The following GLIS3 variants were observed in gnomAD, a reference collection of about 807,000 sequenced individuals.
GLIS3 encodes the protein zinc finger protein GLIS3.
Under a neutral mutation model 78.6 loss-of-function variants are expected in GLIS3, and 53 were observed. The observed-to-expected ratio is 0.67, with a 90% confidence interval of 0.54 to 0.85. The LOEUF is 0.85. Among genes scored for constraint, GLIS3 ranks in the 40% least tolerant of loss-of-function variants. The pLI is 0.00. For missense variants in GLIS3, 1,703 were observed against 1,231.1 expected (o/e 1.38, Z -5.74); for synonymous variants, 684 against 509.9 (o/e 1.34, Z -4.60).
At chr9:3,959,438 A>G (rs1272103031) in intron 4 of GLIS3, among the ~76,000 whole-genome samples, 1 of 152,208 alleles carries the variant, frequency 6.6e-6, no homozygotes, top group Non-Finnish European at 1.5e-5. Flanking sequence ...GGCAGCTTTA[A>G]AATGACAATC....
Position 4,176,547 on chromosome 9 carries a change from G to C in GLIS3, c.389-50606C>G, listed in dbSNP as rs115778683. Among the ~76,000 whole-genome samples, 392 of 151,988 alleles carry C rather than the reference G, an allele frequency of 2.6e-3. 3 individuals carry two copies. The highest frequency in any genetic ancestry group is 8.8e-3 in the African/African-American group (363 of 41,434). On this transcript the variant is annotated intron_variant, in intron 2 of 10. Coordinates refer to ENST00000381971, the MANE Select transcript of GLIS3 (RefSeq NM_001042413.2). ...TCTTTACTATTGCACTTTTAGGGTA[G>C]GAGGAATTTTTTTCACTATTAAAAA... is the stretch of plus-strand genomic sequence containing the variant.
intron 2 of GLIS3, among the ~76,000 whole-genome samples, chr9:4,336,257 A>T (rs7853682): frequency 0.45 from 68,612 of 152,132 alleles, 15,889 homozygotes; most frequent in Admixed American, 0.52. Flanking sequence ...CACATGTGAT[A>T]TATGGGTTTC....
At chr9:4,256,734 A>G (rs1222198112) in intron 2 of GLIS3, among the ~76,000 whole-genome samples, 1 of 152,248 alleles carries the variant, frequency 6.6e-6, no homozygotes, top group Non-Finnish European at 1.5e-5. Context: ...GAGAATGAGT[A>G]ATTACACAGT....
chr9:3,856,263 T>C, intron 8 of GLIS3, 79 bp from the exon 9 acceptor site: 2 of 1,267,452 alleles, frequency 1.6e-6, no homozygotes, highest in South Asian at 2.5e-5. Context: ...AGCCAAATTC[T>C]CACCTCCCAT....
intron 8 of GLIS3, among the ~76,000 whole-genome samples, chr9:3,877,997 A>C (rs1184535876): frequency 6.6e-6 from 1 of 152,120 alleles, no homozygotes; most frequent in Admixed American, 6.5e-5. Flanking sequence ...AGCCAACCTA[A>C]TATTATCTGA....
chr9:4,181,158 G>A (rs965826545), intron 2 of GLIS3, among the ~76,000 whole-genome samples: 1 of 152,224 alleles, frequency 6.6e-6, no homozygotes, highest in East Asian at 1.9e-4. Flanking sequence ...AGGGCTTCAG[G>A]CATAGCTCCT....
the GLIS3 span, among the ~76,000 whole-genome samples, chr9:4,397,914 T>C: frequency 2.6e-5 from 4 of 151,910 alleles, no homozygotes; most frequent in Non-Finnish European, 5.9e-5. Context: ...TCTATAGACA[T>C]TCCTCCATTG....
At chr9:4,185,765 G>A (rs1236705195) in intron 2 of GLIS3, among the ~76,000 whole-genome samples, 1 of 152,170 alleles carries the variant, frequency 6.6e-6, no homozygotes, top group Non-Finnish European at 1.5e-5. Context: ...TAGGGACAAA[G>A]CTATAGGAAT....
chr9:4,156,000 C>A (rs1835018060), intron 2 of GLIS3, among the ~76,000 whole-genome samples: 1 of 152,138 alleles, frequency 6.6e-6, no homozygotes, highest in Admixed American at 6.6e-5. Flanking sequence ...TATCTGTTAA[C>A]AAATTTAATC....
intron 9 of GLIS3, among the ~76,000 whole-genome samples, chr9:3,845,383 T>C (rs768424151): frequency 3.3e-5 from 5 of 152,170 alleles, no homozygotes; most frequent in African/African-American, 1.2e-4. Context: ...GACACAGTTA[T>C]GTCTCCTTCT....
intron 2 of GLIS3, among the ~76,000 whole-genome samples, chr9:4,282,504 C>T (rs145407423): frequency 5.3e-5 from 8 of 152,192 alleles, no homozygotes; most frequent in African/African-American, 1.9e-4. Flanking sequence ...AACTGGGACA[C>T]TGGCTTTTTC....
chr9:4,032,405 G>C (rs1177871403), intron 4 of GLIS3, among the ~76,000 whole-genome samples: 2 of 151,654 alleles, frequency 1.3e-5, no homozygotes, highest in African/African-American at 4.8e-5. Flanking sequence ...AAATGCAAAA[G>C]CATATCATCT....
intron 2 of GLIS3, among the ~76,000 whole-genome samples, chr9:4,211,342 G>A (rs142361126): frequency 2.0e-5 from 3 of 152,314 alleles, no homozygotes; most frequent in Admixed American, 1.3e-4. Context: ...TTTTCCAGCA[G>A]GCTCCTAAGA....
chr9:4,084,095 T>G (rs1002532733), intron 4 of GLIS3, among the ~76,000 whole-genome samples: 2 of 152,156 alleles, frequency 1.3e-5, no homozygotes, highest in African/African-American at 4.8e-5. Context: ...TTTCCAGGTC[T>G]GTTTTTAAAA....
chr9:4,252,440 G>C (rs1420811736), intron 2 of GLIS3, among the ~76,000 whole-genome samples: 1 of 151,926 alleles, frequency 6.6e-6, no homozygotes, highest in Non-Finnish European at 1.5e-5. Context: ...TCCTTGTGCT[G>C]TTTTTCAGTT....
intron 2 of GLIS3, among the ~76,000 whole-genome samples, chr9:4,130,859 G>A (rs1237339701): frequency 6.6e-6 from 1 of 152,184 alleles, no homozygotes; most frequent in Non-Finnish European, 1.5e-5. Flanking sequence ...TAGGTGCACT[G>A]TCAGCTTGCA....
chr9:4,442,527 A>G, the GLIS3 span, among the ~76,000 whole-genome samples: 1 of 151,840 alleles, frequency 6.6e-6, no homozygotes, highest in African/African-American at 2.4e-5. Flanking sequence ...ACACTGCTCT[A>G]TTTTCCAAAA....
At chr9:4,201,912 G>C (rs1009203153) in intron 2 of GLIS3, among the ~76,000 whole-genome samples, 4 of 152,108 alleles carry the variant, frequency 2.6e-5, no homozygotes, top group African/African-American at 7.2e-5. Flanking sequence ...GAGGCAGGAA[G>C]TTCACCTGAA....
At chr9:4,277,610 A>C (rs1263746313) in intron 2 of GLIS3, among the ~76,000 whole-genome samples, 1 of 152,184 alleles carries the variant, frequency 6.6e-6, no homozygotes, top group African/African-American at 2.4e-5. Context: ...CACAAACGCT[A>C]ATGAATAACT....
Sources: allele counts gnomAD v4.1 joint callset (sites outside exome capture counted in the v4.1 genomes callset), GRCh38; gene constraint gnomAD v4.1.1; transcripts MANE v1.5; gene names NCBI Gene and HGNC (gene_info 2026-07-23, HGNC 2026-07-21).